TDRD3: variants seen among roughly 807,000 people sequenced by gnomAD.
TDRD3 encodes the protein tudor domain containing 3.
In TDRD3, 45 loss-of-function variants were observed where a neutral mutation model predicts 86.7. The ratio of observed to expected loss-of-function variants is 0.52; its 90% confidence interval spans 0.41 to 0.67. The LOEUF is 0.67. Ranked by LOEUF, TDRD3 falls within the 30% of genes least tolerant of loss-of-function variation. The pLI is 0.00. For missense variants in TDRD3, 814 were observed against 889.0 expected, an observed-to-expected ratio of 0.92 and a Z score of 1.07; for synonymous variants, 298 against 301.7, an observed-to-expected ratio of 0.99 and a Z score of 0.13.
intron 12 of TDRD3, among the ~76,000 whole-genome samples, chr13:60,564,428 A>T (rs901030172): frequency 6.6e-6 from 1 of 152,210 alleles, no homozygotes; most frequent in African/African-American, 2.4e-5. Context: ...TCTGAGTCCC[A>T]ATAAAATGGT....
intron 1 of TDRD3, among the ~76,000 whole-genome samples, chr13:60,430,848 T>G: frequency 6.6e-6 from 1 of 152,098 alleles, no homozygotes; most frequent in East Asian, 1.9e-4. Context: ...AGTTTGTTGT[T>G]TATTACCTAT....
intron 1 of TDRD3, among the ~76,000 whole-genome samples, chr13:60,417,086 A>G (rs1384051340): frequency 6.8e-6 from 1 of 148,078 alleles, no homozygotes. Context: ...GCATAATCAT[A>G]GCTCACTGCA....
chr13:60,530,916 T>C (rs1957569155), intron 11 of TDRD3, among the ~76,000 whole-genome samples: 1 of 152,056 alleles, frequency 6.6e-6, no homozygotes, highest in African/African-American at 2.4e-5. Flanking sequence ...GCTGTAGGAT[T>C]TGGGGTCAAG....
intron 12 of TDRD3, among the ~76,000 whole-genome samples, chr13:60,551,711 G>A (rs372602208): frequency 1.8e-4 from 28 of 152,206 alleles, no homozygotes; most frequent in African/African-American, 3.1e-4. Context: ...CTGAGACTGC[G>A]TAATTTATTT....
chr13:60,423,828 A>G (rs1363719875), intron 1 of TDRD3, among the ~76,000 whole-genome samples: 4 of 152,182 alleles, frequency 2.6e-5, no homozygotes, highest in Admixed American at 2.6e-4. Context: ...TACTGCTTTT[A>G]TTAATAAAAT....
chr13:60,453,140 T>C (rs1362049463), intron 3 of TDRD3, among the ~76,000 whole-genome samples: 1 of 152,178 alleles, frequency 6.6e-6, no homozygotes, highest in African/African-American at 2.4e-5. Context: ...AGTTAAAATA[T>C]ATAGCAAAAG....
At position 60,513,356 on chromosome 13, in the gene TDRD3, GC is replaced by G. The variant is rs1202777752; in HGVS notation, c.1141+2604del. Reference sequence around the variant, plus strand: ...GGGGTTCCATGAAGACCTCTGACATGCCCTGAAGACATTTTCCCCATTGTCT... The same window carrying G: ...GGGGTTCCATGAAGACCTCTGACATGCCTGAAGACATTTTCCCCATTGTCT... On this transcript the variant is annotated intron_variant, in intron 10 of 13. Coordinates refer to ENST00000377881, the MANE Select transcript of TDRD3 (RefSeq NM_001146070.2). Among the ~76,000 whole-genome samples, 16 of 152,316 alleles carry G rather than the reference GC, an allele frequency of 1.1e-4. No homozygotes were observed. The South Asian group carries it at 2.3e-3, about 22-fold the overall frequency.
At chr13:60,477,660 G>C (rs1956216373) in intron 5 of TDRD3, among the ~76,000 whole-genome samples, 1 of 152,152 alleles carries the variant, frequency 6.6e-6, no homozygotes, top group Admixed American at 6.5e-5. Context: ...TTCTGTTTAT[G>C]TGGTGAATCA....
chr13:60,465,353 C>T (rs532871772), intron 4 of TDRD3, among the ~76,000 whole-genome samples: 5 of 152,116 alleles, frequency 3.3e-5, no homozygotes, highest in African/African-American at 4.8e-5. Flanking sequence ...GAATTGGGAA[C>T]GCTTCTTCAC....
At chr13:60,485,231 A>G (rs1956404971) in intron 6 of TDRD3, among the ~76,000 whole-genome samples, 1 of 151,994 alleles carries the variant, frequency 6.6e-6, no homozygotes, top group Non-Finnish European at 1.5e-5. Context: ...TGGACTGGAG[A>G]TCAGAATTGA....
chr13:60,437,786 CAG>C (rs920862053), intron 1 of TDRD3, among the ~76,000 whole-genome samples: 2 of 152,034 alleles, frequency 1.3e-5, no homozygotes, highest in Admixed American at 6.5e-5. Context: ...ATCACTCAAT[CAG>C]AATTTAATTT....
At chr13:60,568,773 G>T (rs568991483) in intron 13 of TDRD3, among the ~76,000 whole-genome samples, 2 of 152,154 alleles carry the variant, frequency 1.3e-5, no homozygotes, top group African/African-American at 4.8e-5. Flanking sequence ...AAGAAATAAA[G>T]AACATCCAAA....
intron 1 of TDRD3, among the ~76,000 whole-genome samples, chr13:60,430,795 G>A (rs1954937019): frequency 6.6e-6 from 1 of 151,906 alleles, no homozygotes; most frequent in South Asian, 2.1e-4. Context: ...GTTTATGTAT[G>A]GGGAAAATAT....
chr13:60,460,562 G>C, intron 4 of TDRD3, 22 bp downstream of exon 4: 1 of 1,521,132 alleles, frequency 6.6e-7, no homozygotes, highest in South Asian at 1.3e-5. Flanking sequence ...TTTATTTTGT[G>C]TATTTGTTAC....
intron 1 of TDRD3, among the ~76,000 whole-genome samples, chr13:60,437,662 G>A (rs1337404266): frequency 1.3e-5 from 2 of 151,186 alleles, no homozygotes; most frequent in African/African-American, 4.9e-5. Context: ...TAGTTTATCT[G>A]ACATCCTATA....
chr13:60,401,820 C>T lies in TDRD3; in HGVS notation c.41+4415C>T, dbSNP rs115792007. 2.5e-3 allele frequency among the ~76,000 whole-genome samples: 380 copies of T among 152,222 alleles called. 2 individuals carry two copies. The highest frequency in any genetic ancestry group is 8.9e-3 in the African/African-American group (369 of 41,536). On this transcript the variant is annotated intron_variant, in intron 1 of 13. Coordinates refer to ENST00000377881, the MANE Select transcript of TDRD3 (RefSeq NM_001146070.2). ...TATCACCATGCTAACATCCTCTGGCCCAAGTGCATACATAACTCCTTTCCC... is the reference window on the plus strand; with the variant it reads ...TATCACCATGCTAACATCCTCTGGCTCAAGTGCATACATAACTCCTTTCCC...
intron 1 of TDRD3, among the ~76,000 whole-genome samples, chr13:60,417,658 A>G (rs1031199584): frequency 5.9e-5 from 9 of 152,060 alleles, no homozygotes; most frequent in African/African-American, 2.2e-4. Flanking sequence ...ACTAATTTCT[A>G]TATACTGATG....
chr13:60,408,106 T>G (rs1329142124), intron 1 of TDRD3, among the ~76,000 whole-genome samples: 1 of 150,738 alleles, frequency 6.6e-6, no homozygotes, highest in Admixed American at 6.6e-5. Context: ...CCCAAATAAG[T>G]CTCAGGAGGT....
At chr13:60,431,703 C>CA (rs67787868) in intron 1 of TDRD3, among the ~76,000 whole-genome samples, 25,287 of 62,568 alleles carry the variant, frequency 0.4, 4,682 homozygotes, top group South Asian at 0.51. Context: ...CTATCTTTAC[C>CA]AAAAAAAAAA....
Sources: gnomAD v4.1 joint callset for allele counts (sites outside exome capture counted in the v4.1 genomes callset) on GRCh38, gnomAD v4.1.1 for gene constraint, MANE v1.5 for transcripts, NCBI Gene and HGNC (gene_info 2026-07-23, HGNC 2026-07-21) for gene names.